TAF3: variants seen among roughly 807,000 people sequenced by gnomAD.
TAF3 encodes the protein transcription initiation factor TFIID subunit 3.
TAF3 carries 7 observed loss-of-function variants against 80.6 expected under a neutral mutation model. The observed-to-expected ratio is 0.09, with a 90% CI of 0.05 to 0.16. The LOEUF (loss-of-function observed/expected upper bound fraction) is 0.16, where lower values mean the gene tolerates loss of function less well. TAF3 is among the 10% of genes least tolerant of loss of function. The pLI, the probability that TAF3 is intolerant of heterozygous loss-of-function variation, is 1.00. For synonymous variants in TAF3, 444 were observed against 446.1 expected, an observed-to-expected ratio of 1.00 and a Z score of 0.06; for missense variants, 921 against 1,140.2, an observed-to-expected ratio of 0.81 and a Z score of 2.77.
chr10:7,971,993 G>A (rs1035232184), intron 3 of TAF3, among the ~76,000 whole-genome samples: 2 of 152,154 alleles, frequency 1.3e-5, no homozygotes, highest in Admixed American at 1.3e-4. Context: ...TACCTCTTTG[G>A]TGAATTGGGA....
intron 2 of TAF3, among the ~76,000 whole-genome samples, chr10:7,866,103 CGTAAA>C (rs1475922623): frequency 2.0e-5 from 3 of 152,174 alleles, no homozygotes; most frequent in Non-Finnish European, 4.4e-5. Context: ...TTTTCTGGAT[CGTAAA>C]GTAATTTCTG....
chr10:8,012,854 T>C (rs1036905918), intron 5 of TAF3, among the ~76,000 whole-genome samples: 1 of 152,254 alleles, frequency 6.6e-6, no homozygotes, highest in Admixed American at 6.5e-5. Flanking sequence ...TGGGAAGAAC[T>C]ATCCCTTACA....
chr10:7,957,061 C>T (rs1014403863), intron 2 of TAF3, among the ~76,000 whole-genome samples: 2 of 151,980 alleles, frequency 1.3e-5, no homozygotes, highest in African/African-American at 4.8e-5. Flanking sequence ...CATTCTCACA[C>T]GTGGGAAAAG....
rs1169873808 is a variant in TAF3 at position 7,964,620 on chromosome 10, A to G, written c.1110A>G (p.Lys370=). 6.2e-7 allele frequency: 1 copy of G among 1,614,150 alleles called. No homozygotes were observed. Among genetic ancestry groups the G allele is most frequent in the South Asian group, 1.1e-5 (1 of 91,084 alleles). ...KQIQTPPDAG[K]LNSENQPKKA... ...TACAGACACCCCCTGATGCTGGGAAACTGAACAGTGAGAATCAGCCGAAAA... is the reference window on the plus strand; with the variant it reads ...TACAGACACCCCCTGATGCTGGGAAGCTGAACAGTGAGAATCAGCCGAAAA... The change falls in exon 3 of 7, where the codon AAA becomes AAG. Residue 370 remains lysine (K), a synonymous_variant. Transcript: ENST00000344293. The surrounding 1 kb of genome is among the most constrained non-coding windows in gnomAD (Gnocchi z 4.1).
intron 2 of TAF3, among the ~76,000 whole-genome samples, chr10:7,939,680 A>G (rs1473240606): frequency 1.3e-5 from 2 of 152,004 alleles, no homozygotes; most frequent in African/African-American, 4.8e-5. Flanking sequence ...ACCAGCTGTC[A>G]AAGAGCCAGA....
chr10:7,869,299 G>A (rs1326409626), intron 2 of TAF3, among the ~76,000 whole-genome samples: 2 of 151,792 alleles, frequency 1.3e-5, no homozygotes, highest in Non-Finnish European at 2.9e-5. Context: ...AGTGGAGGCA[G>A]GAGTGTAGAG....
chr10:8,001,324 A>C (rs1831941609), intron 4 of TAF3, among the ~76,000 whole-genome samples: 2 of 152,106 alleles, frequency 1.3e-5, no homozygotes, highest in Admixed American at 6.5e-5. Context: ...AAGAAGCCTT[A>C]GATTGTCATG....
intron 4 of TAF3, among the ~76,000 whole-genome samples, chr10:7,980,266 TA>T (rs1831714071): frequency 1.3e-5 from 2 of 152,240 alleles, no homozygotes; most frequent in Non-Finnish European, 2.9e-5. Flanking sequence ...GGGTTCAAAT[TA>T]TACCTTCTAG....
intron 1 of TAF3, among the ~76,000 whole-genome samples, chr10:7,819,214 C>CTACA (rs1467302038): frequency 1.3e-5 from 2 of 152,054 alleles, no homozygotes; most frequent in Non-Finnish European, 2.9e-5. Flanking sequence ...CCAGCGTGCC[C>CTACA]TACACCCTCT....
chr10:7,891,913 G>C (rs1837460075), intron 2 of TAF3, among the ~76,000 whole-genome samples: 1 of 152,116 alleles, frequency 6.6e-6, no homozygotes, highest in African/African-American at 2.4e-5. Context: ...TACTTTGCTT[G>C]TTAACTCAAG....
intron 2 of TAF3, among the ~76,000 whole-genome samples, chr10:7,865,408 G>A (rs986938745): frequency 2.2e-4 from 33 of 152,282 alleles, no homozygotes; most frequent in African/African-American, 7.7e-4. Context: ...GAACCCGGGA[G>A]GCGGAGCTTG....
At chr10:7,998,999 G>A (rs945817324) in intron 4 of TAF3, among the ~76,000 whole-genome samples, 2 of 152,112 alleles carry the variant, frequency 1.3e-5, no homozygotes, top group African/African-American at 4.8e-5. Context: ...GGATCTGATT[G>A]TACCTGGTGT....
At chr10:7,870,554 T>C (rs1405098747) in intron 2 of TAF3, among the ~76,000 whole-genome samples, 1 of 152,234 alleles carries the variant, frequency 6.6e-6, no homozygotes, top group Admixed American at 6.5e-5. Context: ...CATTGTACAA[T>C]TGGAAACTGT....
chr10:7,905,881 TAA>T (rs571088132), intron 2 of TAF3, among the ~76,000 whole-genome samples: 1,678 of 145,526 alleles, frequency 0.012, 32 homozygotes, highest in African/African-American at 0.039. Context: ...AGAATCTGTC[TAA>T]AAAAAAAAAA....
chr10:7,976,559 C>T (rs972574238), intron 3 of TAF3, among the ~76,000 whole-genome samples: 7 of 152,000 alleles, frequency 4.6e-5, no homozygotes, highest in South Asian at 2.1e-4. Context: ...GGACTACAGG[C>T]GCCCGCCACC....
intron 2 of TAF3, among the ~76,000 whole-genome samples, chr10:7,846,831 CTA>C (rs1836977536): frequency 6.6e-6 from 1 of 151,892 alleles, no homozygotes; most frequent in Admixed American, 6.6e-5. Context: ...CTAAAAAAGA[CTA>C]AAATAATAAG....
At chr10:7,855,794 T>A (rs1352850839) in intron 2 of TAF3, among the ~76,000 whole-genome samples, 1 of 151,994 alleles carries the variant, frequency 6.6e-6, no homozygotes, top group Non-Finnish European at 1.5e-5. Flanking sequence ...TTGAAATAGT[T>A]CTTTACACTG....
At chr10:7,840,003 T>A (rs1335991621) in intron 2 of TAF3, among the ~76,000 whole-genome samples, 1 of 152,226 alleles carries the variant, frequency 6.6e-6, no homozygotes, top group African/African-American at 2.4e-5. Flanking sequence ...TCCTTTAATT[T>A]ATCTGGATTT....
At chr10:7,996,426 C>G (rs2131431633) in intron 4 of TAF3, among the ~76,000 whole-genome samples, 1 of 152,298 alleles carries the variant, frequency 6.6e-6, no homozygotes, top group East Asian at 1.9e-4. Context: ...CCATCCAGCT[C>G]AGCCTGTCCA....
Sources: allele counts gnomAD v4.1 joint callset (sites outside exome capture counted in the v4.1 genomes callset), GRCh38; gene constraint gnomAD v4.1.1; non-coding constraint Gnocchi (gnomAD v3.1); transcripts MANE v1.5; gene names NCBI Gene and HGNC (gene_info 2026-07-23, HGNC 2026-07-21).